The following EPHA3 variants were observed in gnomAD, a reference collection of about 807,000 sequenced individuals.
The protein encoded by EPHA3 is EPH receptor A3.
In EPHA3, 42 loss-of-function variants were observed where a neutral mutation model predicts 107.1. That is an observed-to-expected ratio of 0.39 (90% CI 0.31 to 0.51). EPHA3 has a LOEUF of 0.51. Ranked by LOEUF, EPHA3 falls within the 20% of genes least tolerant of loss-of-function variation. The pLI, the probability that EPHA3 is intolerant of heterozygous loss-of-function variation, is 0.78. For synonymous variants in EPHA3, 461 were observed against 424.8 expected (o/e 1.09, Z -1.05); for missense variants, 1,183 against 1,211.2 (o/e 0.98, Z 0.35).
Position 89,309,987 on chromosome 3 carries a change from A to G in EPHA3, c.815-30929A>G, listed in dbSNP as rs1442311362. Among the ~76,000 whole-genome samples the G allele has an allele frequency of 2.0e-5, 3 of 151,950 alleles. No homozygotes were observed. The East Asian group carries it at 5.8e-4, about 30-fold the overall frequency. Reference sequence around the variant, plus strand: ...TAAAACTTGGAAGCAAACTAAATGCATCACCTCAGAATTAAGATTCTTATA... The same window carrying G: ...TAAAACTTGGAAGCAAACTAAATGCGTCACCTCAGAATTAAGATTCTTATA... On this transcript the variant is annotated intron_variant, in intron 3 of 16. Coordinates refer to ENST00000336596, the MANE Select transcript of EPHA3 (RefSeq NM_005233.6).
chr3:89,392,902 A>G (rs1708773876), intron 5 of EPHA3, among the ~76,000 whole-genome samples: 1 of 152,178 alleles, frequency 6.6e-6, no homozygotes, highest in Non-Finnish European at 1.5e-5. Flanking sequence ...ATTAAAAAGT[A>G]TTCTAGAAAA....
At chr3:89,413,081 A>G (rs1428671059) in intron 9 of EPHA3, 60 bp from the exon 10 acceptor site, 3 of 1,598,686 alleles carry the variant, frequency 1.9e-6, no homozygotes, top group Admixed American at 3.4e-5. Context: ...ATAAAATTTG[A>G]TCTATAATTG....
rs762476686 is a variant in EPHA3 at position 89,419,194 on chromosome 3, C to T, written c.1889-11C>T. ...TTCCTTACATTTTGTTGCTGTTCTGCTTTATAACAGGTGAATTTGGAGAGG... is the reference window on the plus strand; with the variant it reads ...TTCCTTACATTTTGTTGCTGTTCTGTTTTATAACAGGTGAATTTGGAGAGG... On this transcript the variant is annotated splice_polypyrimidine_tract_variant and intron_variant, in intron 10 of 16. Transcript: ENST00000336596. 1.3e-6 allele frequency: 2 copies of T among 1,586,356 alleles called. No homozygotes were observed. Among genetic ancestry groups the T allele is most frequent in the Non-Finnish European group, 1.7e-6 (2 of 1,168,680 alleles).
At chr3:89,421,661 C>G (rs1709355699) in intron 11 of EPHA3, among the ~76,000 whole-genome samples, 1 of 150,946 alleles carries the variant, frequency 6.6e-6, no homozygotes, top group South Asian at 2.1e-4. Flanking sequence ...TTTTTTGTTT[C>G]AGTGTTATGA....
At chr3:89,316,293 T>A (rs1448651091) in intron 3 of EPHA3, among the ~76,000 whole-genome samples, 1 of 151,362 alleles carries the variant, frequency 6.6e-6, no homozygotes, top group Non-Finnish European at 1.5e-5. Context: ...GCCAGCTTTA[T>A]CACCATGAAA....
At chr3:89,130,738 A>C (rs900325802) in intron 2 of EPHA3, among the ~76,000 whole-genome samples, 154 of 150,850 alleles carry the variant, frequency 1.0e-3, no homozygotes, top group Non-Finnish European at 1.3e-3. Context: ...GGGTTCACGC[A>C]ATTCTCCTGC....
At chr3:89,430,045 T>C (rs1709536412) in intron 12 of EPHA3, among the ~76,000 whole-genome samples, 1 of 152,198 alleles carries the variant, frequency 6.6e-6, no homozygotes, top group Non-Finnish European at 1.5e-5. Context: ...ATTACAGGCA[T>C]GAGCCACCGC....
intron 2 of EPHA3, among the ~76,000 whole-genome samples, chr3:89,162,674 T>C (rs1277663011): frequency 6.6e-6 from 1 of 152,084 alleles, no homozygotes; most frequent in Non-Finnish European, 1.5e-5. Context: ...GGACAGAAGG[T>C]GAAGTGAAGC....
chr3:89,332,290 T>A (rs932614370), intron 3 of EPHA3, among the ~76,000 whole-genome samples: 1 of 152,156 alleles, frequency 6.6e-6, no homozygotes, highest in African/African-American at 2.4e-5. Context: ...CGAATGTACA[T>A]TGGACATATT....
chr3:89,320,593 A>G (rs1255551799), intron 3 of EPHA3, among the ~76,000 whole-genome samples: 1 of 120,864 alleles, frequency 8.3e-6, no homozygotes, highest in Non-Finnish European at 1.8e-5. Context: ...AAACAATCCC[A>G]TGGACTTTTT....
At chr3:89,404,904 A>G (rs1709029163) in intron 7 of EPHA3, among the ~76,000 whole-genome samples, 1 of 152,190 alleles carries the variant, frequency 6.6e-6, no homozygotes, top group African/African-American at 2.4e-5. Context: ...AGTGAAAAGC[A>G]TGAGTTCAAG....
At chr3:89,251,732 A>G (rs138736695) in intron 3 of EPHA3, among the ~76,000 whole-genome samples, 2 of 152,138 alleles carry the variant, frequency 1.3e-5, no homozygotes, top group African/African-American at 2.4e-5. Flanking sequence ...ATTTTTGTTA[A>G]TTTTTCTAAT....
rs564460529 is a variant in EPHA3, at chr3:89,298,174, A to G, written c.815-42742A>G. On this transcript the variant is annotated intron_variant, in intron 3 of 16. Coordinates refer to ENST00000336596, the MANE Select transcript of EPHA3 (RefSeq NM_005233.6). The stretch of plus-strand genomic sequence containing the variant: ...AATCCCATGCCTCTACTACATTTGG[A>G]TAGTTCTTTCCCTGACCTCAGGAGA... 2.0e-5 allele frequency among the ~76,000 whole-genome samples: 3 copies of G among 152,254 alleles called. No homozygotes were observed. The South Asian group carries it at 6.2e-4, about 32-fold the overall frequency.
intron 3 of EPHA3, among the ~76,000 whole-genome samples, chr3:89,270,824 C>A (rs1705650583): frequency 6.6e-6 from 1 of 151,754 alleles, no homozygotes; most frequent in African/African-American, 2.4e-5. Flanking sequence ...ATTTCTCAAG[C>A]TACATATAAA....
chr3:89,473,855 G>GGATAGA (rs1213449641), intron 16 of EPHA3, among the ~76,000 whole-genome samples: 1 of 152,160 alleles, frequency 6.6e-6, no homozygotes, highest in Non-Finnish European at 1.5e-5. Flanking sequence ...AGAAAGAAGT[G>GGATAGA]TATACTGGAT....
At chr3:89,427,095 A>G (rs1369907568) in intron 11 of EPHA3, among the ~76,000 whole-genome samples, 1 of 151,910 alleles carries the variant, frequency 6.6e-6, no homozygotes, top group Non-Finnish European at 1.5e-5. Flanking sequence ...TTCAGATATT[A>G]CTACATTAAC....
intron 2 of EPHA3, among the ~76,000 whole-genome samples, chr3:89,174,775 A>G (rs1334873694): frequency 6.6e-6 from 1 of 151,996 alleles, no homozygotes; most frequent in Non-Finnish European, 1.5e-5. Flanking sequence ...ATAATACTTT[A>G]AAAAAGATGG....
intron 13 of EPHA3, among the ~76,000 whole-genome samples, chr3:89,432,133 C>T (rs879438750): frequency 2.6e-5 from 4 of 151,898 alleles, no homozygotes; most frequent in Admixed American, 6.6e-5. Flanking sequence ...ATGTGATCTG[C>T]CTGCATTCAT....
At chr3:89,225,677 G>C (rs747530542) in intron 3 of EPHA3, among the ~76,000 whole-genome samples, 3 of 152,102 alleles carry the variant, frequency 2.0e-5, no homozygotes, top group Non-Finnish European at 4.4e-5. Flanking sequence ...ACACTTTCAG[G>C]AACACTGAGG....
Sources: allele counts gnomAD v4.1 joint callset (sites outside exome capture counted in the v4.1 genomes callset), GRCh38; gene constraint gnomAD v4.1.1; transcripts MANE v1.5; gene names NCBI Gene and HGNC (gene_info 2026-07-23, HGNC 2026-07-21).